Variants in COPRS observed in about 807,000 individuals in gnomAD.
COPRS encodes the protein coordinator of PRMT5 and differentiation stimulator, also known as cooperator of PRMT5.
In COPRS, 11 loss-of-function variants were observed where a neutral mutation model predicts 19.9. The observed-to-expected ratio is 0.55, with a 90% confidence interval of 0.35 to 0.92. The LOEUF (loss-of-function observed/expected upper bound fraction) is 0.92. COPRS is among the 40% of genes least tolerant of loss of function. The pLI, the probability that COPRS is intolerant of heterozygous loss-of-function variation, is 0.01. For missense variants in COPRS, 225 were observed against 229.9 expected (o/e 0.98, Z 0.14); for synonymous variants, 81 against 82.7 (o/e 0.98, Z 0.11).
rs918073844 is a variant in COPRS, at chr17:31,856,867, T to G, written c.100-2A>C. 1.3e-6 allele frequency: 2 copies of G among 1,592,234 alleles called. No homozygotes were observed. Among genetic ancestry groups the G allele is most frequent in the East Asian group, 2.2e-5 (1 of 44,740 alleles). On this transcript the variant is annotated splice_acceptor_variant, in intron 1 of 3. Coordinates refer to ENST00000302362, the MANE Select transcript of COPRS (RefSeq NM_018405.4). LOFTEE classifies it high-confidence loss of function. ...GTGGTCAGCTGTAGCAAAGCCAGCCTGCAGGAAGAAGAAATGATTACCAAG... is the reference window on the plus strand; with the variant it reads ...GTGGTCAGCTGTAGCAAAGCCAGCCGGCAGGAAGAAGAAATGATTACCAAG...
chr17:31,857,843 A>C (rs1042645418), intron 1 of COPRS, among the ~76,000 whole-genome samples: 3 of 152,170 alleles, frequency 2.0e-5, no homozygotes, highest in Non-Finnish European at 4.4e-5. Context: ...ACATTTCTTG[A>C]ATTTAAATTC....
At chr17:31,858,929 C>A in intron 1 of COPRS, 172 bp downstream of exon 1, 1 of 1,456,530 alleles carries the variant, frequency 6.9e-7, no homozygotes, top group Middle Eastern at 2.4e-4. Flanking sequence ...GGCCCCGCGG[C>A]CTGGCCGTTT....
rs773669721 is a variant in COPRS at position 31,852,991 on chromosome 17, C to G, written c.206G>C (p.Arg69Pro). ...TQSIPNDSPA[R>P]GEGTHSEEEG... ...CTCTTCAGAATGGGTGCCCTCACCC[C>G]GGGCAGGACTGTCATTAGGAATGCT... The change falls in exon 3 of 4, where the codon CGG becomes CCG. Residue 69 changes from arginine to proline, a missense_variant. Physicochemically the swap from Arg to Pro is moderately radical, Grantham distance 103. Around this residue, in one of 3 missense-constraint regions of COPRS, gnomAD observed 170 missense variants for 171.4 expected, o/e 0.99. Coordinates refer to ENST00000302362, the MANE Select transcript of COPRS (RefSeq NM_018405.4). 6 of 1,613,972 alleles carry G rather than the reference C, an allele frequency of 3.7e-6. No individual in the cohort carries two copies. The highest frequency in any genetic ancestry group is 2.2e-5 in the East Asian group (1 of 44,880).
At chr17:31,855,334 T>C (rs759268481) in intron 2 of COPRS, among the ~76,000 whole-genome samples, 5 of 152,054 alleles carry the variant, frequency 3.3e-5, no homozygotes, top group East Asian at 3.9e-4. Flanking sequence ...GGTAAAATCC[T>C]ATCTCTACTA....
rs1169400432 is a variant in COPRS, at chr17:31,859,116, C to A, written c.84G>T (p.Ala28=). The change falls in exon 1 of 4, where the codon GCG becomes GCT. Residue 28 remains alanine, a synonymous_variant. Coordinates refer to ENST00000302362, the MANE Select transcript of COPRS (RefSeq NM_018405.4). ...RGPPLPSARG[A]PPSPEAGFAT... is the part of the protein sequence containing the mutation. ...CGGCGCTCACCTCCGGGCTGGGGGGCGCCCCCCGCGCGCTAGGCAGCGGCG... is the reference window on the plus strand; with the variant it reads ...CGGCGCTCACCTCCGGGCTGGGGGGAGCCCCCCGCGCGCTAGGCAGCGGCG... The A allele has an allele frequency of 9.2e-7, 1 of 1,088,532 alleles. No individual in the cohort carries two copies. Among genetic ancestry groups the A allele is most frequent in the Non-Finnish European group, 1.1e-6 (1 of 899,588 alleles). The allele number at this position is 1,088,532 out of a possible 1,614,324, so 67.4% of individuals were successfully genotyped here.
At chr17:31,858,805 C>T in intron 1 of COPRS, 15 of 1,550,440 alleles carry the variant, frequency 9.7e-6, no homozygotes, top group Non-Finnish European at 1.2e-5. Flanking sequence ...TCTCGGTCAC[C>T]AGCGTCACCT....
intron 1 of COPRS, among the ~76,000 whole-genome samples, chr17:31,857,387 C>T (rs1250814274): frequency 2.0e-5 from 3 of 152,180 alleles, no homozygotes; most frequent in Non-Finnish European, 4.4e-5. Context: ...CCCAGGTACA[C>T]GTTTTACCTT....
intron 1 of COPRS, chr17:31,858,680 A>G (rs1909435154): frequency 7.1e-7 from 1 of 1,408,564 alleles, no homozygotes; most frequent in Admixed American, 2.0e-5. Flanking sequence ...TCTGGGGCTC[A>G]GGGTTAGCTG....
In COPRS at chr17:31,852,107, C is replaced by A. The variant is rs1207478505; in HGVS notation, c.*32G>T. 1.9e-6 allele frequency: 3 copies of A among 1,612,190 alleles called. No individual in the cohort carries two copies. Among genetic ancestry groups the A allele is most frequent in the Non-Finnish European group, 2.5e-6 (3 of 1,179,544 alleles). On this transcript the variant is annotated 3_prime_UTR_variant, in exon 4 of 4. Coordinates refer to ENST00000302362, the MANE Select transcript of COPRS (RefSeq NM_018405.4). The stretch of plus-strand genomic sequence containing the variant: ...AGGAAAAGAGATCTTGACGTGGAGG[C>A]CCGCCCACCTACAAGGCAGAAAGCT...
Position 31,858,840 on chromosome 17 carries a change from G to A in COPRS, c.99+261C>T, listed in dbSNP as rs1598087213. 2.6e-6 allele frequency: 4 copies of A among 1,548,372 alleles called. No homozygotes were observed. In the East Asian group the frequency reaches 7.3e-5, roughly 28 times the overall value. ...TCCCATTTACCAAATCCGCAGCGGC[G>A]CCCAGCGGGCGGACAGCCGTCTCTG... On this transcript the variant is annotated intron_variant, in intron 1 of 3. Transcript: ENST00000302362.
intron 3 of COPRS, 85 bp from the exon 4 acceptor site, chr17:31,852,393 A>G: frequency 9.9e-7 from 1 of 1,006,850 alleles, no homozygotes; most frequent in Non-Finnish European, 1.5e-6. Flanking sequence ...AGGTATGTCT[A>G]GGGGACAGAT....
At chr17:31,859,058 G>A (rs1446065793) in intron 1 of COPRS, 43 bp downstream of exon 1, 4 of 1,150,284 alleles carry the variant, frequency 3.5e-6, no homozygotes, top group Middle Eastern at 7.2e-4. Flanking sequence ...TCCCGCCCCA[G>A]GCTGCGGCTG....
Position 31,853,027 on chromosome 17 carries a change from C to G in COPRS, c.170G>C (p.Arg57Pro), listed in dbSNP as rs141013637. 6.2e-7 allele frequency: 1 copy of G among 1,611,464 alleles called. No individual in the cohort carries two copies. The highest frequency in any genetic ancestry group is 1.1e-5 in the South Asian group (1 of 91,038). The change falls in exon 3 of 4, where the codon CGT (arginine) becomes CCT (proline). Residue 57 changes from arginine to proline, a missense_variant. Physicochemically the swap from Arg to Pro is moderately radical, Grantham distance 103. This residue lies in a region of COPRS where 170 missense variants were observed against 171.4 expected (regional missense o/e 0.99). Transcript: ENST00000302362. ...GTCATTAGGAATGCTCTGTGTTCCA[C>G]GGGCTAAATTGACAAAGAGAAGATG... ...ETEKAMDRLA[R>P]GTQSIPNDSP...
chr17:31,854,670 C>T (rs1417438306), intron 2 of COPRS, among the ~76,000 whole-genome samples: 1 of 152,156 alleles, frequency 6.6e-6, no homozygotes, highest in Admixed American at 6.5e-5. Flanking sequence ...GGCATGGATG[C>T]ACCTTGAAAA....
rs1045402961 is a variant in COPRS, at chr17:31,856,619, A to C, written c.166+180T>G. On this transcript the variant is annotated intron_variant, in intron 2 of 3. Transcript: ENST00000302362. ...ATGGATTTGAACATAAGAAAAGTTC[A>C]GGACTTCCCTTAAGGAAGCTCCAAG... 9.3e-6 allele frequency: 6 copies of C among 648,504 alleles called. No individual in the cohort carries two copies. In the Admixed American group the frequency reaches 1.4e-4, roughly 15 times the overall value. The allele number at this position is 648,504 out of a possible 1,614,324, so 40.2% of individuals were successfully genotyped here. A position where few individuals can be genotyped will look rare whatever the true frequency, so the allele number is the denominator to read the frequency against.
intron 1 of COPRS, 123 bp downstream of exon 1, chr17:31,858,978 G>A (rs1039982393): frequency 1.4e-5 from 19 of 1,357,008 alleles, no homozygotes; most frequent in South Asian, 1.7e-5. Context: ...TCCGTGTCGC[G>A]GGGCGGCCCG....
chr17:31,855,432 A>AG (rs1909309625), intron 2 of COPRS, among the ~76,000 whole-genome samples: 1 of 151,874 alleles, frequency 6.6e-6, no homozygotes, highest in Admixed American at 6.6e-5. Context: ...GTGTGAACCC[A>AG]GGGGGCAGAG....
In COPRS at chr17:31,853,044, G is replaced by A; in HGVS notation, c.167-14C>T. The A allele has an allele frequency of 6.3e-7, 1 of 1,599,032 alleles. No homozygotes were observed. The highest frequency in any genetic ancestry group is 8.6e-7 in the Non-Finnish European group (1 of 1,166,462). On this transcript the variant is annotated splice_polypyrimidine_tract_variant and intron_variant, in intron 2 of 3. Coordinates refer to ENST00000302362, the MANE Select transcript of COPRS (RefSeq NM_018405.4). ...GTGTTCCACGGGCTAAATTGACAAAGAGAAGATGGCCTTAGTGACAAACCA... is the reference window on the plus strand; with the variant it reads ...GTGTTCCACGGGCTAAATTGACAAAAAGAAGATGGCCTTAGTGACAAACCA...
Position 31,857,246 on chromosome 17 carries a change from G to A in COPRS, c.100-381C>T, listed in dbSNP as rs572897253. 2.0e-4 allele frequency among the ~76,000 whole-genome samples: 31 copies of A among 152,292 alleles called. No individual in the cohort carries two copies. The South Asian group carries it at 5.2e-3, about 25-fold the overall frequency. The stretch of plus-strand genomic sequence containing the variant: ...CAGAGACCCCCTACCATCAGCTGGG[G>A]CAGTGCCTTCTCCTTAAAGGTTGGA... On this transcript the variant is annotated intron_variant, in intron 1 of 3. Coordinates refer to ENST00000302362, the MANE Select transcript of COPRS (RefSeq NM_018405.4).
Sources: allele counts gnomAD v4.1 joint callset (sites outside exome capture counted in the v4.1 genomes callset), GRCh38; gene constraint gnomAD v4.1.1; regional missense constraint gnomAD v4.1.1; transcripts MANE v1.5; gene names NCBI Gene and HGNC (gene_info 2026-07-23, HGNC 2026-07-21).